CALN1: variants seen among roughly 807,000 people sequenced by gnomAD.
CALN1 encodes the protein calcium-binding protein 8.
Under a neutral mutation model 30.6 loss-of-function variants are expected in CALN1, and 17 were observed. The observed-to-expected ratio is 0.56, with a 90% CI of 0.38 to 0.83. The LOEUF (loss-of-function observed/expected upper bound fraction) is 0.83. CALN1 is among the 40% of genes least tolerant of loss of function. The pLI, the probability that CALN1 is intolerant of heterozygous loss-of-function variation, is 0.00. For missense variants in CALN1, 291 were observed against 354.9 expected (o/e 0.82, Z 1.45); for synonymous variants, 156 against 131.4 (o/e 1.19, Z -1.28).
intron 5 of CALN1, among the ~76,000 whole-genome samples, chr7:71,987,300 C>T (rs867138816): frequency 7.2e-5 from 11 of 152,300 alleles, no homozygotes; most frequent in Non-Finnish European, 1.0e-4. Context: ...TGTCTGTGAA[C>T]ACGAGGAACC....
At chr7:72,091,448 C>G (rs933787058) in intron 4 of CALN1, among the ~76,000 whole-genome samples, 1 of 152,184 alleles carries the variant, frequency 6.6e-6, no homozygotes, top group Non-Finnish European at 1.5e-5. Context: ...CGATGGATAC[C>G]TCAATCACCC....
At chr7:71,942,113 G>T (rs1258269187) in intron 5 of CALN1, 1 of 153,098 alleles carries the variant, frequency 6.5e-6, no homozygotes, top group Non-Finnish European at 1.5e-5. Context: ...CAGAAGAATT[G>T]CTTGAACCCA....
At chr7:72,351,113 G>A (rs746556468) in intron 2 of CALN1, among the ~76,000 whole-genome samples, 7 of 151,996 alleles carry the variant, frequency 4.6e-5, no homozygotes, top group African/African-American at 1.4e-4. Context: ...TGCACTGGGT[G>A]ACAAAGTGAG....
At chr7:71,960,793 T>C (rs1402591048) in intron 5 of CALN1, among the ~76,000 whole-genome samples, 1 of 152,146 alleles carries the variant, frequency 6.6e-6, no homozygotes, top group Non-Finnish European at 1.5e-5. Context: ...TACCTGGTCG[T>C]GATATTAAGA....
chr7:72,366,672 T>A (rs752693693), intron 2 of CALN1, among the ~76,000 whole-genome samples: 1 of 152,140 alleles, frequency 6.6e-6, no homozygotes, highest in Non-Finnish European at 1.5e-5. Context: ...AGTTCACATA[T>A]AATGAATATT....
chr7:72,406,047 G>A (rs1163423216), intron 1 of CALN1, among the ~76,000 whole-genome samples: 5 of 152,156 alleles, frequency 3.3e-5, no homozygotes, highest in African/African-American at 7.2e-5. Flanking sequence ...AGGAACAATC[G>A]CTCCTGCTGC....
chr7:71,927,908 A>G (rs965428594), intron 5 of CALN1, among the ~76,000 whole-genome samples: 1 of 152,084 alleles, frequency 6.6e-6, no homozygotes, highest in Non-Finnish European at 1.5e-5. Flanking sequence ...GGAGATCTTT[A>G]ATGGCCTGGG....
intron 6 of CALN1, among the ~76,000 whole-genome samples, chr7:71,808,397 A>G (rs1787746734): frequency 6.6e-6 from 1 of 151,516 alleles, no homozygotes; most frequent in South Asian, 2.1e-4. Context: ...TATAACAATA[A>G]GGATTAATAA....
chr7:72,157,663 A>T (rs55910106), intron 3 of CALN1, among the ~76,000 whole-genome samples: 38,523 of 152,196 alleles, frequency 0.25, 5,925 homozygotes, highest in Non-Finnish European at 0.35. Flanking sequence ...ATGGAGGGAC[A>T]GACCTTTCCA....
intron 2 of CALN1, among the ~76,000 whole-genome samples, chr7:72,304,151 T>A (rs1219710066): frequency 6.6e-6 from 1 of 152,102 alleles, no homozygotes; most frequent in African/African-American, 2.4e-5. Flanking sequence ...GGTCCAAAGG[T>A]ATGGTTTCAA....
chr7:72,389,234 G>A (rs918648657), intron 2 of CALN1, among the ~76,000 whole-genome samples: 14 of 152,188 alleles, frequency 9.2e-5, no homozygotes, highest in Non-Finnish European at 1.8e-4. Flanking sequence ...ATCCCAGAGA[G>A]AAGGATGCAG....
the CALN1 span, among the ~76,000 whole-genome samples, chr7:72,474,956 C>T: frequency 6.2e-4 from 95 of 152,238 alleles, no homozygotes; most frequent in Non-Finnish European, 1.0e-3. Context: ...GTGCTTACTT[C>T]GTGACATGTC....
At chr7:72,054,757 C>A (rs1238929454) in intron 4 of CALN1, among the ~76,000 whole-genome samples, 1 of 151,746 alleles carries the variant, frequency 6.6e-6, no homozygotes, top group African/African-American at 2.4e-5. Context: ...CTGGGGCCTA[C>A]TTGAAGGTGA....
At chr7:72,259,248 TCTC>T (rs1466836944) in intron 3 of CALN1, among the ~76,000 whole-genome samples, 1 of 151,974 alleles carries the variant, frequency 6.6e-6, no homozygotes, top group East Asian at 1.9e-4. Flanking sequence ...TTGGCTGTCT[TCTC>T]ATTATCATCA....
chr7:72,410,963 T>C (rs1807092286), intron 1 of CALN1, among the ~76,000 whole-genome samples: 1 of 152,278 alleles, frequency 6.6e-6, no homozygotes, highest in Non-Finnish European at 1.5e-5. Flanking sequence ...ATAAAGTTAT[T>C]TTAAGGTGAT....
chr7:71,869,382 TTG>T (rs1791788139), intron 5 of CALN1, among the ~76,000 whole-genome samples: 1 of 152,150 alleles, frequency 6.6e-6, no homozygotes, highest in Non-Finnish European at 1.5e-5. Context: ...GGCTAATTTT[TTG>T]TGTTTTTAGT....
At position 72,285,232 on chromosome 7, in the gene CALN1, T is replaced by C. The variant is rs116427827; in HGVS notation, c.120-6422A>G. On this transcript the variant is annotated intron_variant, in intron 2 of 6. Coordinates refer to ENST00000395275, the MANE Select transcript of CALN1 (RefSeq NM_031468.4). Reference sequence around the variant, plus strand: ...TTTATTTTTCCTGGTAATTCTTTCTTACTGGTTTTTGTTTTGTTTTGTTTG... The same window carrying C: ...TTTATTTTTCCTGGTAATTCTTTCTCACTGGTTTTTGTTTTGTTTTGTTTG... Among the ~76,000 whole-genome samples, 660 of 152,278 alleles carry C rather than the reference T, an allele frequency of 4.3e-3. 1 individual carries two copies. Among genetic ancestry groups the C allele is most frequent in the African/African-American group, 0.015 (634 of 41,562 alleles).
chr7:72,025,163 AGCTGGGTGTG>A (rs1348100866), intron 4 of CALN1, among the ~76,000 whole-genome samples: 1 of 152,092 alleles, frequency 6.6e-6, no homozygotes, highest in Non-Finnish European at 1.5e-5. Flanking sequence ...GTACAAAATT[AGCTGGGTGTG>A]GTTGTCCATG....
intron 2 of CALN1, among the ~76,000 whole-genome samples, chr7:72,321,246 C>T (rs897838899): frequency 5.3e-5 from 8 of 152,092 alleles, no homozygotes; most frequent in Non-Finnish European, 1.0e-4. Context: ...CACAAAGAGC[C>T]GGGCAGGAAA....
Sources: gnomAD v4.1 joint callset for allele counts (sites outside exome capture counted in the v4.1 genomes callset) on GRCh38, gnomAD v4.1.1 for gene constraint, MANE v1.5 for transcripts, NCBI Gene and HGNC (gene_info 2026-07-23, HGNC 2026-07-21) for gene names.